The following PTPRD variants were observed in gnomAD, a reference collection of about 807,000 sequenced individuals.
PTPRD encodes the protein receptor-type tyrosine-protein phosphatase delta.
PTPRD carries 34 observed loss-of-function variants against 214.5 expected under a neutral mutation model. The ratio of observed to expected loss-of-function variants is 0.16; its 90% CI spans 0.12 to 0.21. The LOEUF (loss-of-function observed/expected upper bound fraction) is 0.21. Ranked by LOEUF, PTPRD falls within the 10% of genes least tolerant of loss-of-function variation. The pLI, the probability that PTPRD is intolerant of heterozygous loss-of-function variation, is 1.00. For missense variants in PTPRD, 2,545 were observed against 2,398.7 expected, an observed-to-expected ratio of 1.06 and a Z score of -1.27; for synonymous variants, 1,128 against 845.7, an observed-to-expected ratio of 1.33 and a Z score of -5.79.
rs1555302230 is a variant in PTPRD at position 9,900,641 on chromosome 9, GTT to G, written c.-368+37864_-368+37865del. ...TCCAAAGGTGCTTCCACATTTTCAG[GTT>G]TTTTTTTTTTTTGAGATGGAGTCTT... On this transcript the variant is annotated intron_variant, in intron 5 of 45. Transcript: ENST00000381196. 9.6e-4 allele frequency among the ~76,000 whole-genome samples: 115 copies of G among 120,092 alleles called. 2 individuals carry two copies. The highest frequency in any genetic ancestry group is 3.4e-3 in the African/African-American group (110 of 32,104). The allele number at this position is 120,092 out of a possible 152,430, so 78.8% of individuals were successfully genotyped here.
At chr9:9,687,512 T>C (rs930890494) in intron 7 of PTPRD, among the ~76,000 whole-genome samples, 4 of 149,280 alleles carry the variant, frequency 2.7e-5, no homozygotes, top group Non-Finnish European at 6.0e-5. Flanking sequence ...CTGAAAAATA[T>C]AGGGAGAGCA....
chr9:10,216,078 C>G (rs563254556), intron 3 of PTPRD, among the ~76,000 whole-genome samples: 1 of 151,926 alleles, frequency 6.6e-6, no homozygotes, highest in Admixed American at 6.6e-5. Context: ...TATTGATTTT[C>G]CCTTTAGATT....
At chr9:9,580,048 G>C (rs554527226) in intron 7 of PTPRD, among the ~76,000 whole-genome samples, 1 of 152,100 alleles carries the variant, frequency 6.6e-6, no homozygotes, top group East Asian at 1.9e-4. Context: ...TTTTATGGCC[G>C]AATAGTGTTC....
intron 4 of PTPRD, among the ~76,000 whole-genome samples, chr9:9,951,916 T>G (rs1021271863): frequency 2.6e-5 from 4 of 152,246 alleles, no homozygotes; most frequent in African/African-American, 7.2e-5. Flanking sequence ...ACTCATGATC[T>G]TAATTGAGTA....
At chr9:9,836,039 T>C (rs1382327835) in intron 5 of PTPRD, among the ~76,000 whole-genome samples, 1 of 152,118 alleles carries the variant, frequency 6.6e-6, no homozygotes, top group Non-Finnish European at 1.5e-5. Context: ...CTTTTAAAAG[T>C]GTATGTTACT....
chr9:9,982,221 G>A (rs574099682), intron 4 of PTPRD, among the ~76,000 whole-genome samples: 2 of 152,126 alleles, frequency 1.3e-5, no homozygotes, highest in African/African-American at 4.8e-5. Context: ...GCCTTTTTGA[G>A]GCACTTAGCC....
At chr9:10,260,022 A>G (rs759643560) in intron 3 of PTPRD, among the ~76,000 whole-genome samples, 1 of 152,206 alleles carries the variant, frequency 6.6e-6, no homozygotes, top group Non-Finnish European at 1.5e-5. Context: ...GCCTCCGGCT[A>G]GTCCTTTGTG....
chr9:8,444,216 T>C (rs570823562), intron 34 of PTPRD, among the ~76,000 whole-genome samples: 56 of 152,288 alleles, frequency 3.7e-4, no homozygotes, highest in Admixed American at 8.5e-4. Flanking sequence ...CCTCCATTAA[T>C]AGGGAATGAG....
intron 39 of PTPRD, among the ~76,000 whole-genome samples, chr9:8,374,204 C>G (rs944649884): frequency 6.7e-6 from 1 of 150,110 alleles, no homozygotes; most frequent in Non-Finnish European, 1.5e-5. Context: ...TCTGCTAGAC[C>G]AAATTTTCTG....
intron 34 of PTPRD, among the ~76,000 whole-genome samples, chr9:8,438,001 C>T (rs896993699): frequency 6.6e-6 from 1 of 152,052 alleles, no homozygotes; most frequent in Admixed American, 6.6e-5. Flanking sequence ...TTCCAGCTGG[C>T]TACAAAAACC....
intron 6 of PTPRD, among the ~76,000 whole-genome samples, chr9:9,741,474 CT>C (rs1313070886): frequency 6.6e-5 from 3 of 45,704 alleles, no homozygotes; most frequent in Non-Finnish European, 3.9e-5. Context: ...TATGATTATA[CT>C]TATAAGTTCT....
intron 3 of PTPRD, among the ~76,000 whole-genome samples, chr9:10,162,346 A>G (rs1221831516): frequency 6.6e-6 from 1 of 151,584 alleles, no homozygotes; most frequent in Non-Finnish European, 1.5e-5. Flanking sequence ...TATATACACA[A>G]TGAAATAATA....
At chr9:8,655,609 C>T (rs546694987) in intron 12 of PTPRD, among the ~76,000 whole-genome samples, 6 of 152,168 alleles carry the variant, frequency 3.9e-5, no homozygotes, top group African/African-American at 1.2e-4. Flanking sequence ...TTGAAAAAGT[C>T]AGTAATTAAT....
chr9:9,896,670 T>C (rs1183058430), intron 5 of PTPRD, among the ~76,000 whole-genome samples: 1 of 152,074 alleles, frequency 6.6e-6, no homozygotes, highest in African/African-American at 2.4e-5. Context: ...TCTAAGAAGC[T>C]AACTGACTCA....
At chr9:10,284,921 C>T (rs866297985) in intron 3 of PTPRD, among the ~76,000 whole-genome samples, 1 of 152,176 alleles carries the variant, frequency 6.6e-6, no homozygotes, top group Admixed American at 6.5e-5. Flanking sequence ...AGCACATTCA[C>T]ACATAGTCTA....
intron 14 of PTPRD, among the ~76,000 whole-genome samples, chr9:8,541,924 G>A (rs1280542079): frequency 6.6e-6 from 1 of 151,974 alleles, no homozygotes; most frequent in Non-Finnish European, 1.5e-5. Context: ...TCAGACATCT[G>A]GAAAATAACC....
At chr9:8,433,529 G>A (rs754169688) in intron 35 of PTPRD, among the ~76,000 whole-genome samples, 2 of 152,126 alleles carry the variant, frequency 1.3e-5, no homozygotes, top group African/African-American at 2.4e-5. Flanking sequence ...TGGACAAAAC[G>A]TGAAGGCAGA....
chr9:8,782,058 CGTTTATGGTATAAAACATACCATAAT>C lies in PTPRD; in HGVS notation c.-103-48138_-103-48113del, dbSNP rs869113099. On this transcript the variant is annotated intron_variant, in intron 11 of 45. Coordinates refer to ENST00000381196, the MANE Select transcript of PTPRD (RefSeq NM_002839.4). Reference sequence around the variant, plus strand: ...TTTATTATGTATACATAATGTTTTACGTTTATGGTATAAAACATACCATAATGTTTATGGTATAAAACATACCATAA... The same window carrying C: ...TTTATTATGTATACATAATGTTTTACGTTTATGGTATAAAACATACCATAA... Among the ~76,000 whole-genome samples, 1,249 of 140,054 alleles carry C rather than the reference CGTTTATGGTATAAAACATACCATAAT, an allele frequency of 8.9e-3. 20 individuals are homozygous for C. The highest frequency in any genetic ancestry group is 0.012 in the Admixed American group (167 of 13,948). 91.9% of individuals were successfully genotyped at this position (140,054 alleles called of 152,430 possible).
At chr9:9,891,453 A>T (rs375905500) in intron 5 of PTPRD, among the ~76,000 whole-genome samples, 1 of 151,888 alleles carries the variant, frequency 6.6e-6, no homozygotes, top group East Asian at 1.9e-4. Flanking sequence ...AGAGAAAGCC[A>T]TTACTAACAT....
Sources: allele counts gnomAD v4.1 joint callset (sites outside exome capture counted in the v4.1 genomes callset), GRCh38; gene constraint gnomAD v4.1.1; transcripts MANE v1.5; gene names NCBI Gene and HGNC (gene_info 2026-07-23, HGNC 2026-07-21).